The following RPF1 variants were observed in gnomAD, a reference collection of about 807,000 sequenced individuals.
The protein encoded by RPF1 is ribosome production factor 1.
RPF1 carries 34 observed loss-of-function variants against 41.9 expected under a neutral mutation model. That is an observed-to-expected ratio of 0.81 (90% CI 0.62 to 1.08). The LOEUF is 1.08. Ranked by LOEUF, RPF1 falls within the 50% of genes least tolerant of loss-of-function variation. RPF1 has a pLI of 0.00. For missense variants in RPF1, 425 were observed against 435.2 expected (o/e 0.98, Z 0.21); for synonymous variants, 140 against 148.9 (o/e 0.94, Z 0.43).
In RPF1 at chr1:84,490,346, T is replaced by C. The variant is rs780921828; in HGVS notation, c.490T>C (p.Ser164Pro). 1 of 1,602,754 alleles carries C rather than the reference T, an allele frequency of 6.2e-7. No individual in the cohort carries two copies. Among genetic ancestry groups the C allele is most frequent in the Admixed American group, 1.7e-5 (1 of 57,198 alleles). ...AACAGTACGACTCTGTGAACAGCTC[T>C]CCACAGTTATACCAAACTCACATGT... ...GRTVRLCEQL[S>P]TVIPNSHVYY... The change falls in exon 5 of 9, where the codon TCC becomes CCC. Residue 164 changes from serine to proline, a missense_variant. Physicochemically the swap from Ser to Pro is moderately conservative, Grantham distance 74. Coordinates refer to ENST00000370654, the MANE Select transcript of RPF1 (RefSeq NM_025065.7).
rs192513625 is a variant in RPF1, at chr1:84,491,255, A to C, written c.616+783A>C. On this transcript the variant is annotated intron_variant, in intron 5 of 8. Coordinates refer to ENST00000370654, the MANE Select transcript of RPF1 (RefSeq NM_025065.7). ...ATTTATTTATTGAATGATGGCTATG[A>C]GTTCAGTAACCTTAAAGATGACCAA... is the stretch of plus-strand genomic sequence containing the variant. 2.2e-3 allele frequency among the ~76,000 whole-genome samples: 340 copies of C among 152,270 alleles called. 2 individuals are homozygous for C. Among genetic ancestry groups the C allele is most frequent in the Non-Finnish European group, 3.9e-3 (264 of 68,026 alleles).
At chr1:84,490,296 A>G in intron 4 of RPF1, 23 bp from the exon 5 acceptor site, 2 of 1,498,640 alleles carry the variant, frequency 1.3e-6, no homozygotes, top group Non-Finnish European at 1.8e-6. Flanking sequence ...ACTATTCAAA[A>G]TTTTTGTTAT....
chr1:84,486,587 CAAAAAAA>C (rs896267195), intron 3 of RPF1, among the ~76,000 whole-genome samples: 1 of 64,534 alleles, frequency 1.5e-5, no homozygotes, highest in Non-Finnish European at 3.1e-5. Flanking sequence ...GACTCCGTCT[CAAAAAAA>C]AAAAAAAAAA....
Position 84,495,424 on chromosome 1 carries a change from T to TGAGCA in RPF1, c.670_674dup (p.Ser225ArgfsTer24). The TGAGCA allele has an allele frequency of 6.6e-7, 1 of 1,511,760 alleles. No homozygotes were observed. Among genetic ancestry groups the TGAGCA allele is most frequent in the Non-Finnish European group, 9.1e-7 (1 of 1,101,738 alleles). 93.6% of individuals were successfully genotyped at this position (1,511,760 alleles called of 1,614,324 possible). On this transcript the variant is annotated frameshift_variant, in exon 6 of 9. Coordinates refer to ENST00000370654, the MANE Select transcript of RPF1 (RefSeq NM_025065.7). LOFTEE classifies it high-confidence loss of function. ...AATGGCCCAACTGCTCATTTTAAAA[T>TGAGCA]GAGCAGTGTTCGTCTTCGTAAAGAA...
chr1:84,489,497 G>A (rs1681793910), intron 3 of RPF1, 136 bp from the exon 4 acceptor site: 2 of 613,832 alleles, frequency 3.3e-6, no homozygotes, highest in Admixed American at 5.5e-5. Context: ...ATTAATGTCA[G>A]TCCTTCCTAG....
At chr1:84,481,785 A>G (rs1174019857) in intron 2 of RPF1, among the ~76,000 whole-genome samples, 1 of 152,184 alleles carries the variant, frequency 6.6e-6, no homozygotes, top group African/African-American at 2.4e-5. Flanking sequence ...TTTTTGCAAA[A>G]TTTTGAAAAC....
At chr1:84,484,261 C>T (rs1341867018) in intron 3 of RPF1, among the ~76,000 whole-genome samples, 1 of 152,144 alleles carries the variant, frequency 6.6e-6, no homozygotes, top group African/African-American at 2.4e-5. Flanking sequence ...CTAAATATTC[C>T]CTCTTAAATA....
chr1:84,484,535 A>AT (rs1681706121), intron 3 of RPF1, among the ~76,000 whole-genome samples: 1 of 151,948 alleles, frequency 6.6e-6, no homozygotes, highest in Non-Finnish European at 1.5e-5. Context: ...TGACATTGAG[A>AT]TTTTTTGAAT....
intron 4 of RPF1, 65 bp from the exon 5 acceptor site, chr1:84,490,254 G>T: frequency 1.9e-6 from 2 of 1,048,958 alleles, no homozygotes; most frequent in Non-Finnish European, 2.7e-6. Flanking sequence ...TTATGAATAT[G>T]TACCACATAA....
chr1:84,485,839 G>A (rs544080015), intron 3 of RPF1, among the ~76,000 whole-genome samples: 15 of 152,326 alleles, frequency 9.8e-5, no homozygotes, highest in African/African-American at 3.6e-4. Flanking sequence ...GTGAGAAATT[G>A]TATATCACTG....
chr1:84,480,148 T>C (rs950884915), intron 1 of RPF1, among the ~76,000 whole-genome samples: 3 of 152,208 alleles, frequency 2.0e-5, no homozygotes, highest in African/African-American at 7.2e-5. Context: ...ATTATTATTA[T>C]GTGTCTGCCT....
Position 84,482,929 on chromosome 1 carries a change from T to C in RPF1, c.300T>C (p.Pro100=). Reference sequence around the variant, plus strand: ...CTTTTACTTAGGCTCCACCAAAGCCTGTACCCAAGACCATTGACAACCAGC... The same window carrying C: ...CTTTTACTTAGGCTCCACCAAAGCCCGTACCCAAGACCATTGACAACCAGC... ...EALGDKAPPK[P]VPKTIDNQRV... is the part of the protein sequence containing the mutation. The change falls in exon 3 of 9, where the codon CCT becomes CCC. Residue 100 remains proline, a synonymous_variant. Transcript: ENST00000370654. 2 of 1,609,434 alleles carry C rather than the reference T, an allele frequency of 1.2e-6. No homozygotes were observed. Among genetic ancestry groups the C allele is most frequent in the Non-Finnish European group, 1.7e-6 (2 of 1,175,884 alleles).
intron 3 of RPF1, chr1:84,483,233 C>T: frequency 4.2e-6 from 2 of 480,076 alleles, no homozygotes; most frequent in Admixed American, 7.0e-5. Context: ...TCATATAATC[C>T]CTGAATGGTA....
chr1:84,480,145 T>C (rs953159561), intron 1 of RPF1, among the ~76,000 whole-genome samples: 6 of 152,176 alleles, frequency 3.9e-5, no homozygotes, highest in African/African-American at 1.2e-4. Flanking sequence ...AATATTATTA[T>C]TATGTGTCTG....
At chr1:84,490,206 T>C (rs1294941301) in intron 4 of RPF1, 113 bp from the exon 5 acceptor site, 3 of 677,562 alleles carry the variant, frequency 4.4e-6, no homozygotes, top group Non-Finnish European at 6.9e-6. Flanking sequence ...TTCCTCAATG[T>C]TGCTTTCTAT....
chr1:84,485,592 T>C (rs984287932), intron 3 of RPF1, among the ~76,000 whole-genome samples: 3 of 152,212 alleles, frequency 2.0e-5, no homozygotes, highest in Non-Finnish European at 4.4e-5. Flanking sequence ...ACCTGTGCCA[T>C]GAATATTATG....
intron 5 of RPF1, among the ~76,000 whole-genome samples, chr1:84,493,918 C>A (rs1681883506): frequency 6.6e-6 from 1 of 152,236 alleles, no homozygotes; most frequent in Admixed American, 6.5e-5. Flanking sequence ...TAATTTGTGG[C>A]CACATTATGA....
chr1:84,481,062 C>T (rs7413066), intron 2 of RPF1, 50 bp downstream of exon 2: 941,280 of 944,232 alleles, frequency 1, 469,241 homozygotes, highest in East Asian at 1. Context: ...TAGGGAATCC[C>T]TCCTGATATT....
chr1:84,479,622 T>A, intron 1 of RPF1, 113 bp downstream of exon 1: 2 of 1,023,508 alleles, frequency 2.0e-6, no homozygotes, highest in Middle Eastern at 2.9e-4. Context: ...TCTCTGTGGC[T>A]CCGTGGGAAG....
Sources: gnomAD v4.1 joint callset for allele counts (sites outside exome capture counted in the v4.1 genomes callset) on GRCh38, gnomAD v4.1.1 for gene constraint, MANE v1.5 for transcripts, NCBI Gene and HGNC (gene_info 2026-07-23, HGNC 2026-07-21) for gene names.